Variants in TAF1B observed in about 807,000 individuals in gnomAD.
TAF1B encodes TATA-box binding protein associated factor, RNA polymerase I subunit B.
TAF1B carries 61 observed loss-of-function variants against 83.9 expected under a neutral mutation model. The observed-to-expected ratio is 0.73, with a 90% CI of 0.59 to 0.90. TAF1B has a LOEUF of 0.90. Among genes scored for constraint, TAF1B ranks in the 40% least tolerant of loss-of-function variants. TAF1B has a pLI of 0.00. For missense variants in TAF1B, 625 were observed against 677.0 expected (o/e 0.92, Z 0.85); for synonymous variants, 221 against 224.6 (o/e 0.98, Z 0.14).
Position 9,911,550 on chromosome 2 carries a change from CA to C in TAF1B, c.1179del (p.Asp394IlefsTer14). On this transcript the variant is annotated frameshift_variant, in exon 11 of 15. Transcript: ENST00000263663. LOFTEE classifies it high-confidence loss of function. ...TTGCTGAAAAGCATAATGAAAAGAA[CA>C]AAAAAGGTATTTTAATTTTTTATCA... is the stretch of plus-strand genomic sequence containing the variant. ...NLAEKHNEKN[K>X]KDKPWFDFRK... is the part of the protein sequence containing the mutation. The C allele has an allele frequency of 2.6e-6, 4 of 1,514,684 alleles. No individual in the cohort carries two copies. In the South Asian group the frequency reaches 3.8e-5, roughly 14 times the overall value. 93.8% of individuals were successfully genotyped at this position (1,514,684 alleles called of 1,614,324 possible).
intron 8 of TAF1B, among the ~76,000 whole-genome samples, chr2:9,904,605 C>T (rs1323957289): frequency 5.9e-5 from 9 of 152,100 alleles, no homozygotes; most frequent in Admixed American, 5.9e-4. Context: ...GGGTATATAT[C>T]CAGTAATAGG....
At position 9,854,397 on chromosome 2, in the gene TAF1B, T is replaced by G. The variant is rs1269028451; in HGVS notation, c.375T>G (p.Val125=). Residue 125 remains valine, a synonymous_variant, in exon 5 of 15, where the codon GTT becomes GTG. Coordinates refer to ENST00000263663, the MANE Select transcript of TAF1B (RefSeq NM_005680.3). ...KSKQAYCKNP[V]YTTGRKPTVL... ...AGCAGGCATATTGTAAGAACCCAGTTTATACCACTGGAAGGAAACCTACGG... is the reference window on the plus strand; with the variant it reads ...AGCAGGCATATTGTAAGAACCCAGTGTATACCACTGGAAGGAAACCTACGG... 6.2e-7 allele frequency: 1 copy of G among 1,613,810 alleles called. No homozygotes were observed. The highest frequency in any genetic ancestry group is 8.5e-7 in the Non-Finnish European group (1 of 1,179,856).
rs940732022 is a variant in TAF1B, at chr2:9,847,525, C to T, written c.118-1848C>T. On this transcript the variant is annotated intron_variant, in intron 2 of 14. Coordinates refer to ENST00000263663, the MANE Select transcript of TAF1B (RefSeq NM_005680.3). ...TGCAACTTGCCCTATTTTTCTGCCCCTTTTATTGCCCCCTCTTCCTTGGCA... is the reference window on the plus strand; with the variant it reads ...TGCAACTTGCCCTATTTTTCTGCCCTTTTTATTGCCCCCTCTTCCTTGGCA... 2.6e-5 allele frequency among the ~76,000 whole-genome samples: 4 copies of T among 152,238 alleles called. No individual in the cohort carries two copies. The East Asian group carries it at 5.8e-4, about 22-fold the overall frequency.
chr2:9,847,290 G>C (rs896324162), intron 2 of TAF1B, among the ~76,000 whole-genome samples: 2 of 152,208 alleles, frequency 1.3e-5, no homozygotes, highest in South Asian at 4.1e-4. Flanking sequence ...CAGACGACAG[G>C]CTTAAAGGAA....
chr2:9,910,196 A>G (rs75301135), intron 9 of TAF1B, among the ~76,000 whole-genome samples: 10,249 of 152,300 alleles, frequency 0.067, 419 homozygotes, highest in East Asian at 0.17. Context: ...TCACAAAGCT[A>G]GTGATTGGAA....
rs943890652 is a variant in TAF1B at position 9,848,362 on chromosome 2, T to G, written c.118-1011T>G. On this transcript the variant is annotated intron_variant, in intron 2 of 14. Coordinates refer to ENST00000263663, the MANE Select transcript of TAF1B (RefSeq NM_005680.3). Reference sequence around the variant, plus strand: ...TGGTTAAAAATCCTCACCTTTCTTCTGGCATTAAGACTCAATAATGGGGGC... The same window carrying G: ...TGGTTAAAAATCCTCACCTTTCTTCGGGCATTAAGACTCAATAATGGGGGC... Among the ~76,000 whole-genome samples, 6 of 152,174 alleles carry G rather than the reference T, an allele frequency of 3.9e-5. No individual in the cohort carries two copies. In the East Asian group the frequency reaches 7.7e-4, roughly 20 times the overall value.
At position 9,844,772 on chromosome 2, in the gene TAF1B, T is replaced by A. The variant is rs569001850; in HGVS notation, c.19-448T>A. ...AAAAGCCTGGTACACACATAGTTGA[T>A]ACCCCTTATGCTGCCGAGTGAATAA... On this transcript the variant is annotated intron_variant, in intron 1 of 14. Coordinates refer to ENST00000263663, the MANE Select transcript of TAF1B (RefSeq NM_005680.3). Among the ~76,000 whole-genome samples the A allele has an allele frequency of 2.6e-5, 4 of 152,354 alleles. No homozygotes were observed. The East Asian group carries it at 7.7e-4, about 29-fold the overall frequency.
intron 3 of TAF1B, among the ~76,000 whole-genome samples, chr2:9,850,861 G>A (rs1484796500): frequency 1.3e-5 from 2 of 152,140 alleles, no homozygotes; most frequent in East Asian, 3.8e-4. Context: ...ACCCACGTAA[G>A]ATACCTGGCA....
At chr2:9,896,642 A>T (rs438516) in intron 8 of TAF1B, among the ~76,000 whole-genome samples, 2,000 of 130,164 alleles carry the variant, frequency 0.015, 34 homozygotes, top group Non-Finnish European at 0.021. Context: ...AAAAAAAAAA[A>T]GCTTTAAAAA....
chr2:9,889,633 A>AT (rs901396356), intron 8 of TAF1B, among the ~76,000 whole-genome samples: 11 of 151,308 alleles, frequency 7.3e-5, no homozygotes, highest in South Asian at 6.3e-4. Context: ...ATGACTGGTA[A>AT]TTTTTTTTTA....
intron 7 of TAF1B, among the ~76,000 whole-genome samples, chr2:9,878,254 T>C (rs1664385179): frequency 2.0e-5 from 3 of 151,970 alleles, no homozygotes; most frequent in Non-Finnish European, 4.4e-5. Flanking sequence ...TTTTTATTTT[T>C]TCGTAGAGCT....
chr2:9,881,207 G>T (rs530364812), intron 7 of TAF1B, among the ~76,000 whole-genome samples: 3 of 152,032 alleles, frequency 2.0e-5, no homozygotes, highest in African/African-American at 7.2e-5. Flanking sequence ...GGTGGTGGGT[G>T]CCTGTAAGTA....
intron 5 of TAF1B, among the ~76,000 whole-genome samples, chr2:9,858,316 C>G (rs554358362): frequency 2.0e-4 from 31 of 152,324 alleles, no homozygotes; most frequent in East Asian, 1.2e-3. Flanking sequence ...CATGCTGATG[C>G]AAGGGGTGGT....
chr2:9,913,252 A>G lies in TAF1B; in HGVS notation c.1271+3A>G. 5.0e-6 allele frequency: 8 copies of G among 1,611,124 alleles called. No homozygotes were observed. Among genetic ancestry groups the G allele is most frequent in the Non-Finnish European group, 6.8e-6 (8 of 1,177,806 alleles). ...AAATGGGAAGAAGCAAGGGCCAAGT[A>G]TGTTCTCCTTCCTGGTTTAGATGCA... On this transcript the variant is annotated splice_donor_region_variant and intron_variant, in intron 12 of 14. Coordinates refer to ENST00000263663, the MANE Select transcript of TAF1B (RefSeq NM_005680.3).
At chr2:9,926,788 G>C (rs1666054471) in intron 14 of TAF1B, among the ~76,000 whole-genome samples, 1 of 146,690 alleles carries the variant, frequency 6.8e-6, no homozygotes, top group Non-Finnish European at 1.5e-5. Context: ...GCAGTCAGCG[G>C]GGTGAGACTC....
chr2:9,905,797 G>A (rs1665322388), intron 9 of TAF1B, among the ~76,000 whole-genome samples: 1 of 151,946 alleles, frequency 6.6e-6, no homozygotes, highest in South Asian at 2.1e-4. Context: ...TGTATGTATA[G>A]TAACTATAAA....
At chr2:9,891,579 T>C (rs1664875744) in intron 8 of TAF1B, among the ~76,000 whole-genome samples, 1 of 152,148 alleles carries the variant, frequency 6.6e-6, no homozygotes, top group South Asian at 2.1e-4. Flanking sequence ...TTCTTCTACT[T>C]ATTAAAAAAA....
At chr2:9,855,017 G>A (rs1050519135) in intron 5 of TAF1B, among the ~76,000 whole-genome samples, 12 of 151,760 alleles carry the variant, frequency 7.9e-5, no homozygotes, top group South Asian at 4.2e-4. Flanking sequence ...TTTTTGAGAC[G>A]GAGTTTCACT....
chr2:9,873,620 ATT>A lies in TAF1B; in HGVS notation c.554-2226_554-2225del, dbSNP rs540990898. Reference sequence around the variant, plus strand: ...ACATTGATTTCGCTCATCAAACTGGATTTTTTTTTTTTTTTTTTTTGGCCATC... The same window carrying A: ...ACATTGATTTCGCTCATCAAACTGGATTTTTTTTTTTTTTTTTTGGCCATC... On this transcript the variant is annotated intron_variant, in intron 6 of 14. Transcript: ENST00000263663. Among the ~76,000 whole-genome samples the A allele has an allele frequency of 8.9e-3, 1,050 of 117,548 alleles. 9 individuals are homozygous for A. Among genetic ancestry groups the A allele is most frequent in the African/African-American group, 0.029 (925 of 32,010 alleles). 77.1% of individuals were successfully genotyped at this position (117,548 alleles called of 152,430 possible).
Sources: allele counts gnomAD v4.1 joint callset (sites outside exome capture counted in the v4.1 genomes callset), GRCh38; gene constraint gnomAD v4.1.1; transcripts MANE v1.5; gene names NCBI Gene and HGNC (gene_info 2026-07-23, HGNC 2026-07-21).